KCNIP4: variants seen among roughly 807,000 people sequenced by gnomAD.
KCNIP4 encodes the protein Kv channel-interacting protein 4.
In KCNIP4, 12 loss-of-function variants were observed where a neutral mutation model predicts 34.0. The ratio of observed to expected loss-of-function variants is 0.35; its 90% CI spans 0.23 to 0.57. The LOEUF (loss-of-function observed/expected upper bound fraction) is 0.57. Ranked by LOEUF, KCNIP4 falls within the 20% of genes least tolerant of loss-of-function variation. The pLI is 0.83. For synonymous variants in KCNIP4, 124 were observed against 102.2 expected (o/e 1.21, Z -1.29); for missense variants, 238 against 311.7 (o/e 0.76, Z 1.78).
chr4:21,281,789 A>G (rs1442783451), intron 1 of KCNIP4, among the ~76,000 whole-genome samples: 2 of 152,222 alleles, frequency 1.3e-5, no homozygotes, highest in Non-Finnish European at 1.5e-5. Context: ...GGATTAAGTG[A>G]AACACTCTGA....
chr4:21,709,172 C>T (rs1320850839), intron 1 of KCNIP4, among the ~76,000 whole-genome samples: 1 of 151,940 alleles, frequency 6.6e-6, no homozygotes, highest in Non-Finnish European at 1.5e-5. Flanking sequence ...AAGTGAAGGA[C>T]AACAGCATAA....
chr4:20,893,625 T>C (rs570904933), intron 1 of KCNIP4, among the ~76,000 whole-genome samples: 54 of 150,636 alleles, frequency 3.6e-4, no homozygotes, highest in Non-Finnish European at 7.1e-4. Flanking sequence ...GGTCTTGCGA[T>C]GTTGCCCAGG....
At chr4:21,001,978 TA>T (rs1456137873) in intron 1 of KCNIP4, among the ~76,000 whole-genome samples, 1 of 152,174 alleles carries the variant, frequency 6.6e-6, no homozygotes, top group East Asian at 1.9e-4. Context: ...AAACCCTTTG[TA>T]ACTTATAATA....
chr4:20,997,821 C>T (rs531075144), intron 1 of KCNIP4, among the ~76,000 whole-genome samples: 5 of 152,288 alleles, frequency 3.3e-5, no homozygotes, highest in African/African-American at 1.2e-4. Flanking sequence ...GGGACCCGCT[C>T]CTAATGACTG....
rs149116917 is a variant in KCNIP4, at chr4:21,360,787, C to A, written c.62-478078G>T. On this transcript the variant is annotated intron_variant, in intron 1 of 8. Transcript: ENST00000382152. ...TGAAACAGCCTAAAAATAGACCCAA[C>A]TTTTTACATTGAAATTATCAGTCCT... 2.5e-3 allele frequency among the ~76,000 whole-genome samples: 385 copies of A among 152,090 alleles called. 1 individual carries two copies. Among genetic ancestry groups the A allele is most frequent in the African/African-American group, 9.0e-3 (372 of 41,508 alleles).
rs1720287533 is a variant in KCNIP4 at position 21,370,805 on chromosome 4, ATATATAT to A, written c.62-488103_62-488097del. Among the ~76,000 whole-genome samples the A allele has an allele frequency of 1.4e-3, 5 of 3,698 alleles. No individual in the cohort carries two copies. In the South Asian group the frequency reaches 0.038, roughly 28 times the overall value. 2.4% of individuals were successfully genotyped at this position (3,698 alleles called of 152,430 possible). A position where few individuals can be genotyped will look rare whatever the true frequency, so the allele number is the denominator to read the frequency against. On this transcript the variant is annotated intron_variant, in intron 1 of 8. Transcript: ENST00000382152. ...GACAGGAGGTCATGGATTGAAATAT[ATATATAT>A]ATATATATATATATATATATATATA... is the stretch of plus-strand genomic sequence containing the variant.
At chr4:21,378,054 A>G (rs1721136335) in intron 1 of KCNIP4, among the ~76,000 whole-genome samples, 3 of 149,726 alleles carry the variant, frequency 2.0e-5, no homozygotes, top group Admixed American at 1.3e-4. Flanking sequence ...CATTCACTTC[A>G]CTCCAGGTAT....
At chr4:21,848,090 C>T (rs570969965) in intron 1 of KCNIP4, 4 of 152,092 alleles carry the variant, frequency 2.6e-5, no homozygotes, top group Non-Finnish European at 5.9e-5. Flanking sequence ...AAGTCTCACT[C>T]CAGATAATTA....
chr4:21,890,849 G>A (rs925277527), intron 1 of KCNIP4, among the ~76,000 whole-genome samples: 1 of 152,110 alleles, frequency 6.6e-6, no homozygotes, highest in Non-Finnish European at 1.5e-5. Context: ...AGCTGAAGAA[G>A]AAACCCAAAG....
intron 3 of KCNIP4, among the ~76,000 whole-genome samples, chr4:20,784,630 T>C (rs1031369351): frequency 6.6e-6 from 1 of 152,212 alleles, no homozygotes; most frequent in African/African-American, 2.4e-5. Flanking sequence ...CTCCTTTTTT[T>C]TCTTGTATTA....
chr4:21,865,045 C>A (rs1339268147), intron 1 of KCNIP4, among the ~76,000 whole-genome samples: 3 of 151,918 alleles, frequency 2.0e-5, no homozygotes, highest in African/African-American at 7.3e-5. Context: ...GAACTCCATG[C>A]ATGGTCCCAA....
intron 1 of KCNIP4, among the ~76,000 whole-genome samples, chr4:21,284,427 A>G (rs1002142422): frequency 1.3e-5 from 2 of 152,188 alleles, no homozygotes; most frequent in Non-Finnish European, 2.9e-5. Flanking sequence ...CATTCCAGAA[A>G]AAAGAAGCTG....
intron 1 of KCNIP4, chr4:21,609,062 C>G (rs1743948266): frequency 6.6e-6 from 1 of 152,126 alleles, no homozygotes; most frequent in South Asian, 2.1e-4. Flanking sequence ...GAGAGATAAA[C>G]TGACTTTCCT....
rs1446889515 is a variant in KCNIP4, at chr4:21,048,953, T to A, written c.62-166244A>T. ...AGTACCTTCTGTTTATCTTTTTTTT[T>A]TTTTTTTTTTTTTTTGAGACGGAGT... On this transcript the variant is annotated intron_variant, in intron 1 of 8. Coordinates refer to ENST00000382152, the MANE Select transcript of KCNIP4 (RefSeq NM_025221.6). Among the ~76,000 whole-genome samples the A allele has an allele frequency of 9.2e-5, 13 of 141,556 alleles. No individual in the cohort carries two copies. In the East Asian group the frequency reaches 2.4e-3, roughly 26 times the overall value. 92.9% of individuals were successfully genotyped at this position (141,556 alleles called of 152,430 possible).
chr4:21,083,974 C>T (rs1040951186), intron 1 of KCNIP4, among the ~76,000 whole-genome samples: 1 of 151,834 alleles, frequency 6.6e-6, no homozygotes, highest in Non-Finnish European at 1.5e-5. Flanking sequence ...TCCTGAGGGT[C>T]CTGCAGTCTT....
rs531545060 is a variant in KCNIP4, at chr4:20,999,913, A to G, written c.62-117204T>C. On this transcript the variant is annotated intron_variant, in intron 1 of 8. Transcript: ENST00000382152. ...CAGAACATGCACGTTGCAACTTAGA[A>G]TTTTCTGGTAGAGGCAACTTAACCT... Among the ~76,000 whole-genome samples, 429 of 152,230 alleles carry G rather than the reference A, an allele frequency of 2.8e-3. 1 individual carries two copies. Among genetic ancestry groups the G allele is most frequent in the African/African-American group, 9.4e-3 (389 of 41,548 alleles).
chr4:20,740,520 A>G (rs1750807241), intron 5 of KCNIP4, among the ~76,000 whole-genome samples: 1 of 152,230 alleles, frequency 6.6e-6, no homozygotes, highest in South Asian at 2.1e-4. Flanking sequence ...AGACAAGCAA[A>G]TGCTGAGAGA....
chr4:20,870,535 C>A (rs1309064291), intron 2 of KCNIP4, among the ~76,000 whole-genome samples: 1 of 152,060 alleles, frequency 6.6e-6, no homozygotes, highest in African/African-American at 2.4e-5. Context: ...GAGAGTAATT[C>A]TGTCATTTGA....
chr4:21,787,453 G>A (rs1006505985), intron 1 of KCNIP4, among the ~76,000 whole-genome samples: 2 of 152,106 alleles, frequency 1.3e-5, no homozygotes, highest in Non-Finnish European at 2.9e-5. Context: ...TCTCATTTAT[G>A]CCCACACAGC....
Sources: gnomAD v4.1 joint callset for allele counts (sites outside exome capture counted in the v4.1 genomes callset) on GRCh38, gnomAD v4.1.1 for gene constraint, MANE v1.5 for transcripts, NCBI Gene and HGNC (gene_info 2026-07-23, HGNC 2026-07-21) for gene names.